LRRK1: variants seen among roughly 807,000 people sequenced by gnomAD.
LRRK1 encodes the protein leucine rich repeat kinase 1, also known as leucine-rich repeat serine/threonine-protein kinase 1.
Under a neutral mutation model 209.1 loss-of-function variants are expected in LRRK1, and 113 were observed. That is an observed-to-expected ratio of 0.54 (90% confidence interval 0.46 to 0.63). The LOEUF is 0.63. Among genes scored for constraint, LRRK1 ranks in the 30% least tolerant of loss-of-function variants. The pLI is 0.00. For missense variants in LRRK1, 2,284 were observed against 2,632.2 expected (o/e 0.87, Z 2.89); for synonymous variants, 1,144 against 1,099.7 (o/e 1.04, Z -0.80).
chr15:100,978,416 C>T (rs8026165), intron 3 of LRRK1, among the ~76,000 whole-genome samples: 35,734 of 151,960 alleles, frequency 0.24, 4,522 homozygotes, highest in East Asian at 0.51. Flanking sequence ...CAGGATATGC[C>T]CAGAGAAATC....
intron 6 of LRRK1, among the ~76,000 whole-genome samples, chr15:100,994,036 C>T (rs1228739032): frequency 2.0e-5 from 3 of 152,218 alleles, no homozygotes; most frequent in Non-Finnish European, 2.9e-5. Context: ...ATTAGCCGCA[C>T]ATCACCAAAA....
At position 101,051,599 on chromosome 15, in the gene LRRK1, C is replaced by A. The variant is rs1383053797; in HGVS notation, c.3440-112C>A. 1.7e-5 allele frequency: 24 copies of A among 1,380,420 alleles called. No homozygotes were observed. In the South Asian group the frequency reaches 2.6e-4, roughly 15 times the overall value. The allele number at this position is 1,380,420 out of a possible 1,614,324, so 85.5% of individuals were successfully genotyped here. A position where few individuals can be genotyped will look rare whatever the true frequency, so the allele number is the denominator to read the frequency against. On this transcript the variant is annotated intron_variant, in intron 23 of 33. Transcript: ENST00000388948. Reference sequence around the variant, plus strand: ...CCTGTCTCTTGGGTACAGGCCAGGACAGGCAGCTCCCCTGCTGCGAAGGCC... The same window carrying A: ...CCTGTCTCTTGGGTACAGGCCAGGAAAGGCAGCTCCCCTGCTGCGAAGGCC...
At chr15:101,004,547 A>G (rs2032853101) in intron 6 of LRRK1, among the ~76,000 whole-genome samples, 1 of 152,232 alleles carries the variant, frequency 6.6e-6, no homozygotes, top group Non-Finnish European at 1.5e-5. Flanking sequence ...TGGGGTGTGC[A>G]GTCCGGGTTC....
chr15:101,015,666 T>C (rs1013824786), intron 12 of LRRK1, among the ~76,000 whole-genome samples: 2 of 152,236 alleles, frequency 1.3e-5, no homozygotes, highest in African/African-American at 4.8e-5. Flanking sequence ...GTGCAGCTGA[T>C]CTACACACCA....
chr15:101,065,098 T>C (rs900345940), intron 31 of LRRK1: 2 of 554,310 alleles, frequency 3.6e-6, no homozygotes, highest in Non-Finnish European at 6.4e-6. Flanking sequence ...CCTTACTTGG[T>C]GCCACAGGCC....
chr15:100,934,665 G>A lies in LRRK1; in HGVS notation c.97+9936G>A, dbSNP rs527414288. 1.5e-4 allele frequency among the ~76,000 whole-genome samples: 22 copies of A among 150,772 alleles called. No individual in the cohort carries two copies. In the East Asian group the frequency reaches 4.3e-3, roughly 29 times the overall value. On this transcript the variant is annotated intron_variant, in intron 2 of 33. Transcript: ENST00000388948. ...AAAAAAAAAAAAATTAGCCGGTCGT[G>A]GAGGCACACACCTGTGGTCCCAGCT...
At chr15:100,945,187 G>A (rs2141615262) in intron 2 of LRRK1, among the ~76,000 whole-genome samples, 1 of 152,338 alleles carries the variant, frequency 6.6e-6, no homozygotes, top group African/African-American at 2.4e-5. Flanking sequence ...CCAAAGTGAT[G>A]GGTCACGGGG....
rs1480108563 is a variant in LRRK1 at position 101,070,455 on chromosome 15, A to T, written c.*1607A>T. The T allele has an allele frequency of 6.6e-6, 1 of 151,308 alleles. No homozygotes were observed. Among genetic ancestry groups the T allele is most frequent in the Non-Finnish European group, 1.5e-5 (1 of 67,992 alleles). 9.4% of individuals were successfully genotyped at this position (151,308 alleles called of 1,614,324 possible). A position where few individuals can be genotyped will look rare whatever the true frequency, so the allele number is the denominator to read the frequency against. ...GGAGTCCCACTCTCCCTCTCCTCTC[A>T]TTCCAGTGCCCCACAACTGCCCAGT... On this transcript the variant is annotated 3_prime_UTR_variant, in exon 34 of 34. Coordinates refer to ENST00000388948, the MANE Select transcript of LRRK1 (RefSeq NM_024652.6).
At chr15:100,977,816 A>G (rs2031379023) in intron 3 of LRRK1, among the ~76,000 whole-genome samples, 1 of 152,162 alleles carries the variant, frequency 6.6e-6, no homozygotes, top group South Asian at 2.1e-4. Context: ...TATCCAGGCC[A>G]CAATAAAAAA....
Position 101,021,153 on chromosome 15 carries a change from G to T in LRRK1, c.1710G>T (p.Leu570=). The change falls in exon 13 of 34, where the codon CTG becomes CTT. Residue 570 remains leucine (L), a synonymous_variant. Coordinates refer to ENST00000388948, the MANE Select transcript of LRRK1 (RefSeq NM_024652.6). The stretch of plus-strand genomic sequence containing the variant: ...CAGTCCCTCCCTCGGTTTGCCTACT[G>T]AAGAGCTTATCAGAGCTCTACTTGG... The part of the protein sequence containing the change: ...LDTVPPSVCL[L]KSLSELYLGN... The T allele has an allele frequency of 6.2e-7, 1 of 1,614,084 alleles. No homozygotes were observed. Among genetic ancestry groups the T allele is most frequent in the South Asian group, 1.1e-5 (1 of 91,064 alleles).
chr15:101,021,324 CAG>C, intron 13 of LRRK1, 142 bp downstream of exon 13: 1 of 870,592 alleles, frequency 1.1e-6, no homozygotes. Context: ...ATTTTCGGAA[CAG>C]GGCTTGATCA....
At chr15:101,034,609 C>G (rs2034423403) in intron 20 of LRRK1, among the ~76,000 whole-genome samples, 1 of 152,084 alleles carries the variant, frequency 6.6e-6, no homozygotes, top group Non-Finnish European at 1.5e-5. Flanking sequence ...TTCCATTAGT[C>G]TAGGTGTCTA....
At chr15:100,979,781 A>G (rs138686398) in intron 3 of LRRK1, among the ~76,000 whole-genome samples, 1 of 152,354 alleles carries the variant, frequency 6.6e-6, no homozygotes, top group East Asian at 1.9e-4. Context: ...GTGAAGAGAC[A>G]TTTCACTGAG....
chr15:101,018,595 C>T (rs770065897), intron 12 of LRRK1, among the ~76,000 whole-genome samples: 4 of 152,254 alleles, frequency 2.6e-5, no homozygotes, highest in Admixed American at 1.3e-4. Context: ...CTCAATGAGA[C>T]GCCAGTGGGG....
At chr15:100,987,844 T>C (rs1035847255) in intron 4 of LRRK1, among the ~76,000 whole-genome samples, 1 of 152,224 alleles carries the variant, frequency 6.6e-6, no homozygotes, top group African/African-American at 2.4e-5. Flanking sequence ...TTCATACTCC[T>C]GCATGTAATG....
At chr15:100,994,044 A>G (rs1176540251) in intron 6 of LRRK1, among the ~76,000 whole-genome samples, 2 of 152,216 alleles carry the variant, frequency 1.3e-5, no homozygotes, top group African/African-American at 4.8e-5. Flanking sequence ...CACATCACCA[A>G]AAGAAATGAT....
intron 6 of LRRK1, among the ~76,000 whole-genome samples, chr15:100,990,119 G>C (rs2032081307): frequency 6.6e-6 from 1 of 152,020 alleles, no homozygotes; most frequent in Admixed American, 6.5e-5. Flanking sequence ...AAACTATACA[G>C]GGTTTAGTTT....
rs928781758 is a variant in LRRK1 at position 101,054,839 on chromosome 15, A to C, written c.4055-107A>C. The C allele has an allele frequency of 1.0e-5, 10 of 998,630 alleles. No individual in the cohort carries two copies. The East Asian group carries it at 2.7e-4, about 27-fold the overall frequency. The allele number at this position is 998,630 out of a possible 1,614,324, so 61.9% of individuals were successfully genotyped here. ...TAAAAGAAAAAAGAAAAAAAATCAT[A>C]AAGTATCTAGGGAGATCGGAAGACA... On this transcript the variant is annotated intron_variant, in intron 26 of 33. Transcript: ENST00000388948.
At chr15:101,017,156 A>G (rs937511838) in intron 12 of LRRK1, among the ~76,000 whole-genome samples, 1 of 152,114 alleles carries the variant, frequency 6.6e-6, no homozygotes, top group Admixed American at 6.5e-5. Flanking sequence ...ACATAATACA[A>G]CTTTCTTCTT....
Sources: allele counts gnomAD v4.1 joint callset (sites outside exome capture counted in the v4.1 genomes callset), GRCh38; gene constraint gnomAD v4.1.1; transcripts MANE v1.5; gene names NCBI Gene and HGNC (gene_info 2026-07-23, HGNC 2026-07-21).